GRM4: variants seen among roughly 807,000 people sequenced by gnomAD.
GRM4 encodes metabotropic glutamate receptor 4.
GRM4 carries 28 observed loss-of-function variants against 81.7 expected under a neutral mutation model. That is an observed-to-expected ratio of 0.34 (90% CI 0.25 to 0.47). The LOEUF (loss-of-function observed/expected upper bound fraction) is 0.47, where lower values mean the gene tolerates loss of function less well. GRM4 is among the 20% of genes least tolerant of loss of function. The probability of loss-of-function intolerance (pLI) is 1.00; values close to 1 mark genes in which losing one functional copy is unlikely to be tolerated. For synonymous variants in GRM4, 488 were observed against 528.8 expected (o/e 0.92, Z 1.06); for missense variants, 948 against 1,290.0 (o/e 0.73, Z 4.06).
intron 6 of GRM4, among the ~76,000 whole-genome samples, chr6:34,050,881 G>A (rs1765581209): frequency 6.6e-6 from 1 of 152,206 alleles, no homozygotes; most frequent in African/African-American, 2.4e-5. Flanking sequence ...CCCCCTCACT[G>A]AGCCCAACAC....
intron 2 of GRM4, among the ~76,000 whole-genome samples, chr6:34,108,761 C>T (rs1045965647): frequency 3.3e-5 from 5 of 152,152 alleles, no homozygotes; most frequent in Non-Finnish European, 4.4e-5. Context: ...GGGCAGCCCC[C>T]GCCCTGTATT....
In GRM4 at chr6:34,047,501, C is replaced by T. The variant is rs1190005140; in HGVS notation, c.1169-6753G>A. On this transcript the variant is annotated intron_variant, in intron 6 of 10. Coordinates refer to ENST00000538487, the MANE Select transcript of GRM4 (RefSeq NM_000841.4). This position sits in a 1 kb window ranked among gnomAD's most constrained non-coding sequence, Gnocchi z 4.5. The stretch of plus-strand genomic sequence containing the variant: ...TCCCAGAAGTCACCAGCCAGGATCT[C>T]CCTGGCCCAGAGTCACACGCTTGCT... Among the ~76,000 whole-genome samples the T allele has an allele frequency of 6.6e-6, 1 of 152,162 alleles. No homozygotes were observed.
At chr6:34,153,319 A>G (rs1771083908) in intron 1 of GRM4, among the ~76,000 whole-genome samples, 1 of 152,216 alleles carries the variant, frequency 6.6e-6, no homozygotes, top group South Asian at 2.1e-4. Flanking sequence ...TGCCTGGCTC[A>G]GTCTCTGGCC....
rs1289367637 is a variant in GRM4, at chr6:34,092,748, C to T, written c.520-649G>A. On this transcript the variant is annotated intron_variant, in intron 2 of 10. Transcript: ENST00000538487. This position sits in a 1 kb window ranked among gnomAD's most constrained non-coding sequence, Gnocchi z 6.8. The stretch of plus-strand genomic sequence containing the variant: ...TCACCACCCTGCCGGGTCCCACAGC[C>T]TCTCCAAGGCAGAGCCGACCCGGGG... 1.3e-5 allele frequency among the ~76,000 whole-genome samples: 2 copies of T among 152,102 alleles called. No homozygotes were observed. The highest frequency in any genetic ancestry group is 2.9e-5 in the Non-Finnish European group (2 of 67,990).
chr6:34,050,869 G>T (rs554675470), intron 6 of GRM4, among the ~76,000 whole-genome samples: 1 of 152,190 alleles, frequency 6.6e-6, no homozygotes, highest in African/African-American at 2.4e-5. Context: ...GGGCAGGTCT[G>T]TCCCCCTCAC....
chr6:34,044,714 A>C (rs1414313559), intron 6 of GRM4, among the ~76,000 whole-genome samples: 1 of 127,846 alleles, frequency 7.8e-6, no homozygotes, highest in Non-Finnish European at 1.6e-5. Flanking sequence ...ACAGACACAC[A>C]CACATACACA....
intron 2 of GRM4, among the ~76,000 whole-genome samples, chr6:34,107,872 C>G (rs1034982841): frequency 3.3e-5 from 5 of 152,330 alleles, no homozygotes; most frequent in African/African-American, 1.2e-4. Context: ...CCCTCAAACC[C>G]TCTGGCTCCC....
chr6:34,108,826 G>A (rs1769247365), intron 2 of GRM4, among the ~76,000 whole-genome samples: 1 of 151,850 alleles, frequency 6.6e-6, no homozygotes, highest in African/African-American at 2.4e-5. Flanking sequence ...TGCTCACGAA[G>A]GCACTGGCAC....
rs1765398179 is a variant in GRM4, at chr6:34,047,138, T to C, written c.1169-6390A>G. On this transcript the variant is annotated intron_variant, in intron 6 of 10. Transcript: ENST00000538487. This position sits in a 1 kb window ranked among gnomAD's most constrained non-coding sequence, Gnocchi z 4.5. ...GGGCCACTGGGAGGACTGAGGGAGA[T>C]GCAACACCATGTCTTGTGCACAGAA... is the stretch of plus-strand genomic sequence containing the variant. 1.3e-5 allele frequency among the ~76,000 whole-genome samples: 2 copies of C among 152,104 alleles called. No individual in the cohort carries two copies. Among genetic ancestry groups the C allele is most frequent in the Non-Finnish European group, 2.9e-5 (2 of 68,016 alleles).
Position 34,080,053 on chromosome 6 carries a change from T to TCA in GRM4, c.736+11828_736+11829dup, listed in dbSNP as rs1350225116. Among the ~76,000 whole-genome samples the TCA allele has an allele frequency of 1.3e-5, 2 of 152,146 alleles. No individual in the cohort carries two copies. Among genetic ancestry groups the TCA allele is most frequent in the African/African-American group, 4.8e-5 (2 of 41,432 alleles). ...TCCTCCGGCCGTATGTCTCCCTGCC[T>TCA]CACTCATTCTGCCCCTGCCTCCTGG... On this transcript the variant is annotated intron_variant, in intron 3 of 10. Coordinates refer to ENST00000538487, the MANE Select transcript of GRM4 (RefSeq NM_000841.4). The surrounding 1 kb of genome is among the most constrained non-coding windows in gnomAD (Gnocchi z 5.4).
In GRM4 at chr6:34,058,961, C is replaced by A; in HGVS notation, c.1027+13G>T. 1 of 1,608,782 alleles carries A rather than the reference C, an allele frequency of 6.2e-7. No homozygotes were observed. On this transcript the variant is annotated intron_variant, in intron 5 of 10. Coordinates refer to ENST00000538487, the MANE Select transcript of GRM4 (RefSeq NM_000841.4). ...CAGGATGGTGCCGACCACCTGCACCCGCCCAGCCTTACCTCGTACGGACAT... is the reference window on the plus strand; with the variant it reads ...CAGGATGGTGCCGACCACCTGCACCAGCCCAGCCTTACCTCGTACGGACAT...
In GRM4 at chr6:34,048,449, G is replaced by A. The variant is rs1409076455; in HGVS notation, c.1169-7701C>T. 2.6e-5 allele frequency among the ~76,000 whole-genome samples: 4 copies of A among 152,146 alleles called. No homozygotes were observed. The highest frequency in any genetic ancestry group is 2.6e-4 in the Admixed American group (4 of 15,278). ...TGGGGCTCAGCTCTCCCACACAGGA[G>A]GGGCTGGGGCTGGGGGTGGGGGAAC... On this transcript the variant is annotated intron_variant, in intron 6 of 10. Coordinates refer to ENST00000538487, the MANE Select transcript of GRM4 (RefSeq NM_000841.4). This position sits in a 1 kb window ranked among gnomAD's most constrained non-coding sequence, Gnocchi z 4.0.
chr6:34,143,195 G>T (rs1770774446), intron 1 of GRM4, among the ~76,000 whole-genome samples: 1 of 152,214 alleles, frequency 6.6e-6, no homozygotes, highest in South Asian at 2.1e-4. Context: ...TAAAAGGACA[G>T]AAGTTGGAGG....
chr6:34,071,819 A>G (rs922391119), intron 3 of GRM4, among the ~76,000 whole-genome samples: 3 of 151,384 alleles, frequency 2.0e-5, no homozygotes, highest in African/African-American at 4.9e-5. Context: ...GATACACACC[A>G]CACACAGACA....
At chr6:34,110,984 A>T in intron 2 of GRM4, 2 of 539,996 alleles carry the variant, frequency 3.7e-6, no homozygotes, top group South Asian at 6.6e-5. Flanking sequence ...AGCCAAGCGG[A>T]GACAGGGCTC....
chr6:34,054,617 C>G (rs1429452384), intron 6 of GRM4: 11 of 152,280 alleles, frequency 7.2e-5, no homozygotes, highest in Admixed American at 2.0e-4. Context: ...CTGACCAAAG[C>G]CTTCTCCCCT....
At chr6:34,123,933 G>A (rs1316481522) in intron 2 of GRM4, among the ~76,000 whole-genome samples, 2 of 152,136 alleles carry the variant, frequency 1.3e-5, no homozygotes, top group South Asian at 2.1e-4. Flanking sequence ...AACGGGGTGG[G>A]GTCCGAAGAG....
chr6:34,077,589 A>G (rs1267897856), intron 3 of GRM4, among the ~76,000 whole-genome samples: 2 of 151,978 alleles, frequency 1.3e-5, no homozygotes, highest in African/African-American at 4.8e-5. Context: ...GCCAAGTCCA[A>G]TCCTCAGCCC....
chr6:34,117,398 T>TCTGC (rs1247948658), intron 2 of GRM4, among the ~76,000 whole-genome samples: 3 of 152,172 alleles, frequency 2.0e-5, no homozygotes, highest in Non-Finnish European at 2.9e-5. Context: ...CTCAGGGGTA[T>TCTGC]CTGCCTCCTT....
Sources: allele counts gnomAD v4.1 joint callset (sites outside exome capture counted in the v4.1 genomes callset), GRCh38; gene constraint gnomAD v4.1.1; non-coding constraint Gnocchi (gnomAD v3.1); transcripts MANE v1.5; gene names NCBI Gene and HGNC (gene_info 2026-07-23, HGNC 2026-07-21).